The following TEKTIP1 variants were observed in gnomAD, a reference collection of about 807,000 sequenced individuals.
TEKTIP1 encodes the protein tektin bundle-interacting protein 1.
the TEKTIP1 span, chr19:3,543,795 TGGG>T: frequency 6.7e-7 from 1 of 1,498,492 alleles, no homozygotes; most frequent in Non-Finnish European, 9.0e-7. Flanking sequence ...GGCGAGGAGG[TGGG>T]GGCACATGGT....
chr19:3,543,483 C>G, the TEKTIP1 span: 7 of 1,500,550 alleles, frequency 4.7e-6, no homozygotes, highest in African/African-American at 1.4e-5. Flanking sequence ...GGTGAGTGCC[C>G]CCCCCCCCGC....
At chr19:3,543,975 C>G in the TEKTIP1 span, 34 of 1,548,598 alleles carry the variant, frequency 2.2e-5, no homozygotes, top group Admixed American at 3.9e-5. Flanking sequence ...CACCTGCCAG[C>G]GGTCCCCGCC....
At chr19:3,543,232 C>G in the TEKTIP1 span, 3 of 1,542,124 alleles carry the variant, frequency 1.9e-6, no homozygotes, top group Non-Finnish European at 2.6e-6. Context: ...TGCCCACCCT[C>G]AGCGATGACT....
At chr19:3,540,089 C>CTTTTTTTTTTTTT in the TEKTIP1 span, 4 of 88,190 alleles carry the variant, frequency 4.5e-5, no homozygotes, top group African/African-American at 1.6e-4. Flanking sequence ...CATCTCTTTT[C>CTTTTTTTTTTTTT]TTTTTTTTTT....
chr19:3,541,248 A>T, the TEKTIP1 span, among the ~76,000 whole-genome samples: 2 of 150,364 alleles, frequency 1.3e-5, no homozygotes, highest in African/African-American at 4.9e-5. Flanking sequence ...AGGTAGGAGG[A>T]TCGCTTGAGC....
the TEKTIP1 span, chr19:3,542,860 A>AG: frequency 9.4e-6 from 13 of 1,384,674 alleles, no homozygotes; most frequent in South Asian, 1.4e-4. Flanking sequence ...CCTCCAGGCC[A>AG]GGGGGGCTTC....
At chr19:3,543,238 T>A in the TEKTIP1 span, 2 of 1,543,230 alleles carry the variant, frequency 1.3e-6, no homozygotes, top group Non-Finnish European at 1.7e-6. Flanking sequence ...CCCTCAGCGA[T>A]GACTACCTGT....
the TEKTIP1 span, chr19:3,543,193 C>T: frequency 1.9e-5 from 29 of 1,530,462 alleles, no homozygotes; most frequent in East Asian, 4.9e-5. Flanking sequence ...AAAGCACTCG[C>T]TGTAGACATG....
chr19:3,539,313 C>CCCGG, the TEKTIP1 span: 1 of 1,148,012 alleles, frequency 8.7e-7, no homozygotes, highest in Non-Finnish European at 1.3e-6. Context: ...CCCTCCCTCC[C>CCCGG]TGGGTGTCAG....
At chr19:3,543,712 G>C in the TEKTIP1 span, 3 of 1,502,246 alleles carry the variant, frequency 2.0e-6, no homozygotes, top group South Asian at 3.9e-5. Flanking sequence ...GTCCTTGGGA[G>C]GCCAGGGGGA....
the TEKTIP1 span, chr19:3,543,051 TCTC>T: frequency 6.9e-6 from 11 of 1,603,000 alleles, no homozygotes; most frequent in African/African-American, 4.0e-5. Context: ...AGTCAGCCTC[TCTC>T]CTCAAGCACC....
At chr19:3,540,129 T>C in the TEKTIP1 span, 1 of 146,840 alleles carries the variant, frequency 6.8e-6, no homozygotes, top group Non-Finnish European at 1.5e-5. Context: ...AGTCTCATAC[T>C]GTTGCCCAGG....
chr19:3,539,211 T>C, the TEKTIP1 span: 1 of 1,548,302 alleles, frequency 6.5e-7, no homozygotes, highest in South Asian at 1.2e-5. Flanking sequence ...TGCACGGCCC[T>C]GTATCCCCTC....
At chr19:3,541,689 CG>C in the TEKTIP1 span, 1 of 985,264 alleles carries the variant, frequency 1.0e-6, no homozygotes, top group Non-Finnish European at 1.2e-6. Flanking sequence ...TGTGTAATAA[CG>C]GGGGTGAGTG....
At chr19:3,539,542 C>G in the TEKTIP1 span, 1 of 473,018 alleles carries the variant, frequency 2.1e-6, no homozygotes, top group African/African-American at 1.9e-5. Flanking sequence ...AATGTTCGCC[C>G]TCTGAAATCC....
the TEKTIP1 span, chr19:3,542,427 G>A: frequency 1.0e-6 from 1 of 985,310 alleles, no homozygotes; most frequent in Non-Finnish European, 1.2e-6. Context: ...GACTTCCTTG[G>A]GACATATTCC....
chr19:3,541,062 G>A, the TEKTIP1 span, among the ~76,000 whole-genome samples: 1 of 150,362 alleles, frequency 6.7e-6, no homozygotes, highest in Non-Finnish European at 1.5e-5. Context: ...CCAGCTACTC[G>A]GGAGGCTGAG....
At chr19:3,542,813 G>T in the TEKTIP1 span, 1 of 1,372,690 alleles carries the variant, frequency 7.3e-7, no homozygotes, top group Non-Finnish European at 9.7e-7. Flanking sequence ...CTGGGCCATG[G>T]CTTAGTGCCA....
At chr19:3,543,070 T>C in the TEKTIP1 span, 6 of 1,591,336 alleles carry the variant, frequency 3.8e-6, no homozygotes, top group East Asian at 2.3e-5. Context: ...GCACCCACTC[T>C]GGGGTGAGGG....
Sources: allele counts gnomAD v4.1 joint callset (sites outside exome capture counted in the v4.1 genomes callset), GRCh38; gene constraint gnomAD v4.1.1; transcripts MANE v1.5; gene names NCBI Gene and HGNC (gene_info 2026-07-23, HGNC 2026-07-21).